The following ZNF10 variants were observed in gnomAD, a reference collection of about 807,000 sequenced individuals.
The protein encoded by ZNF10 is zinc finger protein 10, also known as zinc finger protein 10 (KOX 1).
Under a neutral mutation model 12.2 loss-of-function variants are expected in ZNF10, and 8 were observed. The ratio of observed to expected loss-of-function variants is 0.66; its 90% confidence interval spans 0.39 to 1.18. The LOEUF is 1.18. Ranked by LOEUF, ZNF10 falls within the 50% of genes most tolerant of loss-of-function variation. The pLI is 0.01. For missense variants in ZNF10, 603 were observed against 678.9 expected, an observed-to-expected ratio of 0.89 and a Z score of 1.24; for synonymous variants, 229 against 228.2, an observed-to-expected ratio of 1.00 and a Z score of -0.03.
chr12:133,146,289 G>T (rs1955975478), intron 2 of ZNF10, among the ~76,000 whole-genome samples: 1 of 152,104 alleles, frequency 6.6e-6, no homozygotes, highest in African/African-American at 2.4e-5. Flanking sequence ...TATCCAGCTG[G>T]TGATCTCCAT....
intron 2 of ZNF10, among the ~76,000 whole-genome samples, chr12:133,149,459 G>T (rs1955995505): frequency 7.0e-6 from 1 of 143,416 alleles, no homozygotes. Flanking sequence ...CTGGGTTCAA[G>T]TGATCCTCTC....
At chr12:133,144,578 T>A in intron 2 of ZNF10, 53 bp downstream of exon 2, 1 of 1,553,132 alleles carries the variant, frequency 6.4e-7, no homozygotes, top group South Asian at 1.1e-5. Context: ...TTTGCTTTAG[T>A]TCCTTTGCCA....
intron 4 of ZNF10, among the ~76,000 whole-genome samples, chr12:133,152,971 G>A (rs1232809687): frequency 6.6e-6 from 1 of 152,046 alleles, no homozygotes; most frequent in Non-Finnish European, 1.5e-5. Flanking sequence ...TTGCCTTGTA[G>A]GTGATTGTAT....
intron 2 of ZNF10, 116 bp from the exon 3 acceptor site, chr12:133,150,912 C>A: frequency 7.8e-7 from 1 of 1,277,036 alleles, no homozygotes; most frequent in Non-Finnish European, 1.1e-6. Flanking sequence ...AATTGTGGTC[C>A]ATCCACTTTA....
chr12:133,141,133 T>TG (rs1465574820), intron 1 of ZNF10, among the ~76,000 whole-genome samples: 2 of 152,206 alleles, frequency 1.3e-5, no homozygotes, highest in African/African-American at 4.8e-5. Flanking sequence ...AAGAAGGTCT[T>TG]GCTTCAGTAA....
chr12:133,133,839 C>A (rs1955894620), intron 1 of ZNF10, among the ~76,000 whole-genome samples: 1 of 152,160 alleles, frequency 6.6e-6, no homozygotes, highest in African/African-American at 2.4e-5. Context: ...CTTGTGGCAG[C>A]CAAAATAATG....
Position 133,151,947 on chromosome 12 carries a change from G to A in ZNF10, c.256+43G>A, listed in dbSNP as rs539548618. ...GTTGTCATAGGCAGCAGCCCAGATGGGCTGTGAGGTGCCAGAACTTCTAGA... is the reference window on the plus strand; with the variant it reads ...GTTGTCATAGGCAGCAGCCCAGATGAGCTGTGAGGTGCCAGAACTTCTAGA... On this transcript the variant is annotated intron_variant, in intron 4 of 4. Coordinates refer to ENST00000248211, the MANE Select transcript of ZNF10 (RefSeq NM_015394.5). The A allele has an allele frequency of 3.3e-6, 5 of 1,533,536 alleles. No individual in the cohort carries two copies. The African/African-American group carries it at 6.8e-5, about 21-fold the overall frequency. 95.0% of individuals were successfully genotyped at this position (1,533,536 alleles called of 1,614,324 possible).
chr12:133,134,306 C>T (rs1955898734), intron 1 of ZNF10, among the ~76,000 whole-genome samples: 1 of 151,314 alleles, frequency 6.6e-6, no homozygotes, highest in South Asian at 2.1e-4. Context: ...GAGCAAGACT[C>T]CCTCTCAAAA....
intron 1 of ZNF10, among the ~76,000 whole-genome samples, chr12:133,132,343 C>G (rs1955885148): frequency 1.4e-5 from 2 of 147,392 alleles, no homozygotes; most frequent in Admixed American, 1.4e-4. Context: ...GATCTTGGCT[C>G]ACTGCAACCT....
chr12:133,148,346 C>T (rs542554175), intron 2 of ZNF10, among the ~76,000 whole-genome samples: 6 of 152,276 alleles, frequency 3.9e-5, no homozygotes, highest in Admixed American at 3.9e-4. Context: ...GTCTCGAACT[C>T]CTGACCTCAG....
At chr12:133,136,712 T>A (rs1340117697) in intron 1 of ZNF10, among the ~76,000 whole-genome samples, 12 of 152,180 alleles carry the variant, frequency 7.9e-5, no homozygotes, top group Non-Finnish European at 1.5e-5. Flanking sequence ...GAACATATGA[T>A]CCCCCTTAGA....
rs1956035451 is a variant in ZNF10, at chr12:133,155,721, ACTCAGGAGAGAGT to A, written c.479_491del (p.Gln160LeufsTer16). ...GGCATTCACCCAAAAGAAAGTACTT[ACTCAGGAGAGAGT>A]CTCTGAAAGTGGTAAATATGGGGGA... On this transcript the variant is annotated frameshift_variant, in exon 5 of 5. Transcript: ENST00000248211. LOFTEE classifies it low-confidence loss of function (END_TRUNC). 5 of 1,612,362 alleles carry A rather than the reference ACTCAGGAGAGAGT, an allele frequency of 3.1e-6. No homozygotes were observed. The highest frequency in any genetic ancestry group is 4.2e-6 in the Non-Finnish European group (5 of 1,179,386).
chr12:133,147,519 GC>G (rs1194870449), intron 2 of ZNF10, among the ~76,000 whole-genome samples: 1 of 151,296 alleles, frequency 6.6e-6, no homozygotes, highest in Non-Finnish European at 1.5e-5. Context: ...AGCATCATTT[GC>G]TTATTTATTA....
Position 133,156,242 on chromosome 12 carries a change from G to T in ZNF10, c.996G>T (p.Trp332Cys), listed in dbSNP as rs1425127663. Residue 332 changes from tryptophan (W) to cysteine (C), a missense_variant, in exon 5 of 5, where the codon TGG (tryptophan) becomes TGT (cysteine). By Grantham distance (215) the Trp-to-Cys change is radical (BLOSUM62 -2). Transcript: ENST00000248211. ...ECKECGKSFS[W>C]FSHLVTHQRT... ...AAGAATGTGGAAAATCCTTCAGCTG[G>T]TTCTCTCACCTTGTTACTCATCAGA... The T allele has an allele frequency of 6.2e-7, 1 of 1,614,064 alleles. No homozygotes were observed. The highest frequency in any genetic ancestry group is 8.5e-7 in the Non-Finnish European group (1 of 1,179,998).
intron 2 of ZNF10, among the ~76,000 whole-genome samples, chr12:133,147,740 CG>C (rs1955984511): frequency 6.6e-6 from 1 of 151,496 alleles, no homozygotes; most frequent in African/African-American, 2.4e-5. Flanking sequence ...CTTAGCCTCC[CG>C]AGTAGCTGGG....
chr12:133,138,276 G>A (rs976032267), intron 1 of ZNF10, among the ~76,000 whole-genome samples: 9 of 151,410 alleles, frequency 5.9e-5, no homozygotes, highest in African/African-American at 2.2e-4. Flanking sequence ...GTAGTTATTA[G>A]AATGGACCTT....
intron 1 of ZNF10, among the ~76,000 whole-genome samples, chr12:133,134,956 C>A (rs965132910): frequency 3.3e-5 from 5 of 152,132 alleles, no homozygotes; most frequent in African/African-American, 1.2e-4. Flanking sequence ...GTTTTTCCTT[C>A]CCCAGGAAGT....
In ZNF10 at chr12:133,144,501, T is replaced by C. The variant is rs772119314; in HGVS notation, c.9T>C (p.Ala3=). ...TCAAGAACAAGGAGGGCATGGATGC[T>C]AAGTCACTAACTGCCTGGTCCCGGG... The part of the protein sequence containing the change: MD[A]KSLTAWSRTL... The change falls in exon 2 of 5, where the codon GCT becomes GCC. Residue 3 remains alanine (A), a synonymous_variant. Transcript: ENST00000248211. 1.1e-5 allele frequency: 17 copies of C among 1,614,060 alleles called. No homozygotes were observed. The highest frequency in any genetic ancestry group is 3.3e-5 in the Admixed American group (2 of 60,012).
chr12:133,151,609 A>C (rs879311543), intron 3 of ZNF10, among the ~76,000 whole-genome samples, 200 bp from the exon 4 acceptor site: 10 of 152,160 alleles, frequency 6.6e-5, no homozygotes, highest in Admixed American at 2.0e-4. Context: ...ATGCCACTGC[A>C]CTCCAGCCTG....
Sources: gnomAD v4.1 joint callset for allele counts (sites outside exome capture counted in the v4.1 genomes callset) on GRCh38, gnomAD v4.1.1 for gene constraint, MANE v1.5 for transcripts, NCBI Gene and HGNC (gene_info 2026-07-23, HGNC 2026-07-21) for gene names.